The following ADAMTSL3 variants were observed in gnomAD, a reference collection of about 807,000 sequenced individuals.
ADAMTSL3 encodes the protein ADAMTS like 3, also known as ADAMTS-like protein 3.
In ADAMTSL3, 128 loss-of-function variants were observed where a neutral mutation model predicts 201.7. That is an observed-to-expected ratio of 0.63 (90% CI 0.55 to 0.73). The LOEUF is 0.73. Ranked by LOEUF, ADAMTSL3 falls within the 30% of genes least tolerant of loss-of-function variation. The probability of loss-of-function intolerance (pLI) is 0.00; values close to 1 mark genes in which losing one functional copy is unlikely to be tolerated. For synonymous variants in ADAMTSL3, 738 were observed against 748.4 expected (o/e 0.99, Z 0.23); for missense variants, 1,990 against 2,119.6 (o/e 0.94, Z 1.20).
chr15:83,887,067 G>C lies in ADAMTSL3; in HGVS notation c.1072+1855G>C, dbSNP rs556718733. On this transcript the variant is annotated intron_variant, in intron 10 of 29. Coordinates refer to ENST00000286744, the MANE Select transcript of ADAMTSL3 (RefSeq NM_207517.3). Reference sequence around the variant, plus strand: ...TGGGCTTCCTGGACCTGCAGCATCAGCATCTCCTGGGAACTAACTAGACAT... The same window carrying C: ...TGGGCTTCCTGGACCTGCAGCATCACCATCTCCTGGGAACTAACTAGACAT... 2.8e-4 allele frequency among the ~76,000 whole-genome samples: 42 copies of C among 152,282 alleles called. No individual in the cohort carries two copies. In the South Asian group the frequency reaches 8.3e-3, roughly 30 times the overall value.
Position 84,014,659 on chromosome 15 carries a change from C to T in ADAMTSL3, c.4091C>T (p.Thr1364Ile), listed in dbSNP as rs531745638. The T allele has an allele frequency of 1.0e-4, 164 of 1,611,780 alleles. 1 individual carries two copies. The South Asian group carries it at 1.5e-3, about 15-fold the overall frequency. ...LQNVSLENEG[T>I]YVCIATNALG... ...AATGTTTCCCTTGAAAATGAAGGAA[C>T]CTACGTCTGCATAGCCACCAATGCT... Residue 1364 changes from threonine to isoleucine, a missense_variant, in exon 24 of 30, where the codon ACC becomes ATC. By Grantham distance (89) the Thr-to-Ile change is moderately conservative. Coordinates refer to ENST00000286744, the MANE Select transcript of ADAMTSL3 (RefSeq NM_207517.3).
chr15:84,036,172 C>T (rs983387986), intron 28 of ADAMTSL3, among the ~76,000 whole-genome samples: 3 of 152,030 alleles, frequency 2.0e-5, no homozygotes, highest in Non-Finnish European at 4.4e-5. Context: ...TGTGTCTTTT[C>T]AAAAATCAGA....
Position 83,943,083 on chromosome 15 carries a change from G to A in ADAMTSL3, c.2490+1G>A. The A allele has an allele frequency of 1.2e-6, 2 of 1,606,290 alleles. No homozygotes were observed. Among genetic ancestry groups the A allele is most frequent in the Non-Finnish European group, 8.5e-7 (1 of 1,177,066 alleles). On this transcript the variant is annotated splice_donor_variant, in intron 19 of 29. Coordinates refer to ENST00000286744, the MANE Select transcript of ADAMTSL3 (RefSeq NM_207517.3). LOFTEE classifies it high-confidence loss of function. ...TTTAGCTGTGGGAGACTGGTCGAAG[G>A]TAAGGGCCAGGCTCAACTTTATAGT...
chr15:83,745,564 G>A (rs757286479), intron 3 of ADAMTSL3, among the ~76,000 whole-genome samples: 3 of 152,028 alleles, frequency 2.0e-5, no homozygotes, highest in South Asian at 2.1e-4. Context: ...CACTTGCCCC[G>A]GCTCCTGCAC....
intron 3 of ADAMTSL3, among the ~76,000 whole-genome samples, chr15:83,765,223 G>T (rs372080515): frequency 6.6e-6 from 1 of 152,134 alleles, no homozygotes; most frequent in African/African-American, 2.4e-5. Flanking sequence ...TTTTTATGCC[G>T]TTCACCCAAT....
intron 7 of ADAMTSL3, among the ~76,000 whole-genome samples, chr15:83,840,724 T>C (rs2064355788): frequency 6.6e-6 from 1 of 152,200 alleles, no homozygotes; most frequent in Non-Finnish European, 1.5e-5. Context: ...GTTCCAATTT[T>C]TGGACTTCAT....
intron 17 of ADAMTSL3, among the ~76,000 whole-genome samples, chr15:83,929,555 A>G (rs1414308735): frequency 6.6e-6 from 1 of 152,166 alleles, no homozygotes; most frequent in Admixed American, 6.6e-5. Flanking sequence ...ATAAGGTCAC[A>G]GTCACAAGTA....
chr15:84,029,653 TG>T (rs2068368676), intron 27 of ADAMTSL3, among the ~76,000 whole-genome samples: 1 of 98,042 alleles, frequency 1.0e-5, no homozygotes, highest in Non-Finnish European at 2.1e-5. Context: ...TCTGAGGAGC[TG>T]AGGAGAAATT....
intron 6 of ADAMTSL3, among the ~76,000 whole-genome samples, chr15:83,833,179 C>T (rs1204762574): frequency 1.3e-5 from 2 of 152,114 alleles, no homozygotes; most frequent in East Asian, 3.8e-4. Context: ...CCAAGTTGTA[C>T]AGTATCTTAG....
At chr15:83,806,535 A>G (rs1283138030) in intron 5 of ADAMTSL3, among the ~76,000 whole-genome samples, 1 of 152,214 alleles carries the variant, frequency 6.6e-6, no homozygotes, top group Admixed American at 6.5e-5. Context: ...GCAAAAACGA[A>G]TTCAGCAGAT....
At chr15:83,764,949 G>T (rs1332235238) in intron 3 of ADAMTSL3, among the ~76,000 whole-genome samples, 1 of 152,160 alleles carries the variant, frequency 6.6e-6, no homozygotes, top group African/African-American at 2.4e-5. Context: ...GTGTCCTGAG[G>T]AATTAGTGAA....
chr15:83,750,262 G>T (rs116360059), intron 3 of ADAMTSL3, among the ~76,000 whole-genome samples: 1 of 152,138 alleles, frequency 6.6e-6, no homozygotes, highest in Non-Finnish European at 1.5e-5. Flanking sequence ...TTAGCTTTCC[G>T]TATTGCACAG....
intron 17 of ADAMTSL3, among the ~76,000 whole-genome samples, chr15:83,925,539 A>G (rs1468109888): frequency 1.3e-5 from 2 of 152,198 alleles, no homozygotes; most frequent in African/African-American, 2.4e-5. Context: ...CCACGCTAGA[A>G]TGCAGATTGC....
intron 3 of ADAMTSL3, among the ~76,000 whole-genome samples, chr15:83,729,480 T>C (rs935826470): frequency 4.2e-4 from 64 of 151,994 alleles, no homozygotes; most frequent in African/African-American, 1.4e-3. Flanking sequence ...TATTTTCAAA[T>C]AGCCTGTCTT....
intron 19 of ADAMTSL3, among the ~76,000 whole-genome samples, chr15:83,959,399 G>A (rs2066916404): frequency 6.6e-6 from 1 of 152,114 alleles, no homozygotes; most frequent in Admixed American, 6.6e-5. Context: ...AACAGAGCAA[G>A]AATCCATCTC....
At chr15:83,998,600 G>T (rs1596518075) in intron 23 of ADAMTSL3, among the ~76,000 whole-genome samples, 1 of 152,154 alleles carries the variant, frequency 6.6e-6, no homozygotes, top group East Asian at 1.9e-4. Context: ...AGTAGAAAGG[G>T]TACTTTGAGG....
Position 83,923,951 on chromosome 15 carries a change from A to G in ADAMTSL3, c.2035A>G (p.Thr679Ala), listed in dbSNP as rs2066197658. The change falls in exon 17 of 30, where the codon ACA (threonine) becomes GCA (alanine). Residue 679 changes from threonine to alanine, a missense_variant. By Grantham distance (58) the Thr-to-Ala change is moderately conservative. Coordinates refer to ENST00000286744, the MANE Select transcript of ADAMTSL3 (RefSeq NM_207517.3). ...AVCLHIQTQQ[T>A]VNDSLCDMVH... ...GTGCTTACATATCCAGACCCAGCAG[A>G]CAGTCAATGACAGCTTGTGTGATAT... The G allele has an allele frequency of 6.2e-7, 1 of 1,614,150 alleles. No individual in the cohort carries two copies. The highest frequency in any genetic ancestry group is 8.5e-7 in the Non-Finnish European group (1 of 1,179,980).
intron 3 of ADAMTSL3, among the ~76,000 whole-genome samples, chr15:83,717,157 A>C (rs550476453): frequency 1.9e-4 from 29 of 152,176 alleles, no homozygotes; most frequent in Non-Finnish European, 4.1e-4. Flanking sequence ...CAGTAGTTTA[A>C]AGGAGTAGTC....
Position 84,025,340 on chromosome 15 carries a change from G to T in ADAMTSL3, c.4560G>T (p.Gln1520His). The change falls in exon 27 of 30, where the codon CAG (glutamine) becomes CAT (histidine). Residue 1520 changes from glutamine to histidine, a missense_variant. Physicochemically the swap from Gln to His is conservative, Grantham distance 24. Coordinates refer to ENST00000286744, the MANE Select transcript of ADAMTSL3 (RefSeq NM_207517.3). ...GGACAAAAGCCAATGGAACTGTGCAGGTGGTGTCTCCAAGAGCATGTGCCC... is the reference window on the plus strand; with the variant it reads ...GGACAAAAGCCAATGGAACTGTGCATGTGGTGTCTCCAAGAGCATGTGCCC... The part of the protein sequence containing the change: ...CKRTKANGTV[Q>H]VVSPRACAPK... 1 of 1,614,202 alleles carries T rather than the reference G, an allele frequency of 6.2e-7. No homozygotes were observed. The highest frequency in any genetic ancestry group is 1.1e-5 in the South Asian group (1 of 91,080).
Sources: gnomAD v4.1 joint callset for allele counts (sites outside exome capture counted in the v4.1 genomes callset) on GRCh38, gnomAD v4.1.1 for gene constraint, MANE v1.5 for transcripts, NCBI Gene and HGNC (gene_info 2026-07-23, HGNC 2026-07-21) for gene names.